SLX9: variants seen among roughly 807,000 people sequenced by gnomAD.
SLX9 encodes SLX9 ribosome biogenesis factor.
In SLX9, 19 loss-of-function variants were observed where a neutral mutation model predicts 20.8. That is an observed-to-expected ratio of 0.91 (90% CI 0.64 to 1.34). SLX9 has a LOEUF of 1.34. Among genes scored for constraint, SLX9 ranks in the 40% most tolerant of loss-of-function variants. SLX9 has a pLI of 0.00. For missense variants in SLX9, 299 were observed against 322.2 expected (o/e 0.93, Z 0.55); for synonymous variants, 113 against 137.1 (o/e 0.82, Z 1.23).
intron 4 of SLX9, chr21:44,969,149 C>G (rs1447926412): frequency 4.2e-6 from 2 of 470,682 alleles, no homozygotes; most frequent in South Asian, 1.5e-5. Context: ...TGGGGTCCAT[C>G]CTTTCATGGC....
intron 2 of SLX9, among the ~76,000 whole-genome samples, chr21:44,948,344 C>T (rs1287779444): frequency 7.7e-6 from 1 of 130,596 alleles, no homozygotes; most frequent in South Asian, 2.5e-4. Flanking sequence ...GTCCGGGGAG[C>T]TGGTCGTGGA....
chr21:44,950,060 A>G (rs1026607448), intron 2 of SLX9, among the ~76,000 whole-genome samples: 1 of 151,784 alleles, frequency 6.6e-6, no homozygotes, highest in African/African-American at 2.4e-5. Context: ...GCTCCTCATC[A>G]GACAGTACAG....
intron 1 of SLX9, among the ~76,000 whole-genome samples, chr21:44,941,921 A>G (rs904157676): frequency 1.3e-5 from 2 of 152,174 alleles, no homozygotes; most frequent in Non-Finnish European, 2.9e-5. Context: ...TGGCAGAGCT[A>G]TGGAGTTCTT....
intron 2 of SLX9, among the ~76,000 whole-genome samples, chr21:44,956,514 A>G (rs2084860296): frequency 6.6e-6 from 1 of 152,078 alleles, no homozygotes; most frequent in East Asian, 1.9e-4. Context: ...TCAGCTGGTG[A>G]CCTGGGTGGT....
In SLX9 at chr21:44,950,808, CG is replaced by C. The variant is rs769118697; in HGVS notation, c.283+6973del. Among the ~76,000 whole-genome samples the C allele has an allele frequency of 5.9e-5, 9 of 152,204 alleles. No homozygotes were observed. In the South Asian group the frequency reaches 1.9e-3, roughly 32 times the overall value. On this transcript the variant is annotated intron_variant, in intron 2 of 5. Transcript: ENST00000291634. ...GTTCTAGCCTCCTGCACCTCCTTGC[CG>C]GCGTCCTCAGGGTTTCTGCGATCAG... is the stretch of plus-strand genomic sequence containing the variant.
At chr21:44,957,497 A>T (rs1446978060) in intron 2 of SLX9, among the ~76,000 whole-genome samples, 3 of 152,188 alleles carry the variant, frequency 2.0e-5, no homozygotes, top group Non-Finnish European at 2.9e-5. Context: ...TGTGCCTTGC[A>T]GTCCAGCTCA....
At chr21:44,965,772 C>G (rs753194327) in intron 3 of SLX9, among the ~76,000 whole-genome samples, 1 of 152,134 alleles carries the variant, frequency 6.6e-6, no homozygotes, top group South Asian at 2.1e-4. Context: ...TCTGTCCTCA[C>G]GGGAACCACA....
intron 2 of SLX9, among the ~76,000 whole-genome samples, chr21:44,954,314 T>G (rs11088973): frequency 6.6e-6 from 1 of 151,940 alleles, no homozygotes; most frequent in African/African-American, 2.4e-5. Flanking sequence ...CCGAGCGTTG[T>G]GTGGGTGCCG....
rs1242771366 is a variant in SLX9 at position 44,961,282 on chromosome 21, A to G, written c.352+1114A>G. Reference sequence around the variant, plus strand: ...ACTTGAGTCAATTTTGGCCACTCATAAAATGATCGAATTTGTCTGAGGATG... The same window carrying G: ...ACTTGAGTCAATTTTGGCCACTCATGAAATGATCGAATTTGTCTGAGGATG... On this transcript the variant is annotated intron_variant, in intron 3 of 5. Coordinates refer to ENST00000291634, the MANE Select transcript of SLX9 (RefSeq NM_058190.4). 2.6e-5 allele frequency among the ~76,000 whole-genome samples: 4 copies of G among 152,278 alleles called. No individual in the cohort carries two copies. The East Asian group carries it at 7.7e-4, about 29-fold the overall frequency.
intron 2 of SLX9, chr21:44,959,303 C>A: frequency 1.0e-6 from 1 of 971,888 alleles, no homozygotes; most frequent in Non-Finnish European, 1.2e-6. Context: ...GGGGAGAATG[C>A]AGCCGAGGCT....
chr21:44,964,113 TATA>T (rs781664019), intron 3 of SLX9, among the ~76,000 whole-genome samples: 2 of 152,250 alleles, frequency 1.3e-5, no homozygotes, highest in African/African-American at 4.8e-5. Context: ...TCTTACATCT[TATA>T]ATAAGCTTAT....
chr21:44,944,291 G>A (rs999244906), intron 2 of SLX9, among the ~76,000 whole-genome samples: 8 of 152,194 alleles, frequency 5.3e-5, no homozygotes, highest in Admixed American at 5.2e-4. Context: ...GGTCCTCTCA[G>A]TTTCATCAGA....
chr21:44,944,618 C>G (rs1454920835), intron 2 of SLX9, among the ~76,000 whole-genome samples: 2 of 152,238 alleles, frequency 1.3e-5, no homozygotes. Flanking sequence ...ATACTTTTTA[C>G]ATCTTGACAG....
Position 44,945,101 on chromosome 21 carries a change from C to T in SLX9, c.283+1264C>T, listed in dbSNP as rs962681267. On this transcript the variant is annotated intron_variant, in intron 2 of 5. Coordinates refer to ENST00000291634, the MANE Select transcript of SLX9 (RefSeq NM_058190.4). Reference sequence around the variant, plus strand: ...TCCTTGGGCACAAGTCATGTGATCACGGGTGCTCTGTGACCCTTAGCTCCA... The same window carrying T: ...TCCTTGGGCACAAGTCATGTGATCATGGGTGCTCTGTGACCCTTAGCTCCA... 2.6e-5 allele frequency among the ~76,000 whole-genome samples: 4 copies of T among 152,314 alleles called. No homozygotes were observed. The South Asian group carries it at 8.3e-4, about 32-fold the overall frequency.
chr21:44,964,256 C>T (rs936433075), intron 3 of SLX9, among the ~76,000 whole-genome samples: 1 of 152,118 alleles, frequency 6.6e-6, no homozygotes, highest in Non-Finnish European at 1.5e-5. Context: ...TAATATCATG[C>T]ATTAGGTCTG....
At position 44,973,205 on chromosome 21, in the gene SLX9, G is replaced by A. The variant is rs200224326; in HGVS notation, c.509G>A (p.Ser170Asn). ...CTTCTCTGTGTCCACAGCAGGGAGA[G>A]CAACAAGCCCCGGCCCTCAGAGCTC... ...GSRRQARSRE[S>N]NKPRPSELSR... is the part of the protein sequence containing the mutation. The change falls in exon 5 of 6, where the codon AGC (serine) becomes AAC (asparagine). Residue 170 changes from serine to asparagine, a missense_variant. Physicochemically the swap from Ser to Asn is conservative, Grantham distance 46. Coordinates refer to ENST00000291634, the MANE Select transcript of SLX9 (RefSeq NM_058190.4). 308 of 1,613,144 alleles carry A rather than the reference G, an allele frequency of 1.9e-4. No individual in the cohort carries two copies. The highest frequency in any genetic ancestry group is 1.0e-3 in the Middle Eastern group (6 of 6,008).
At chr21:44,947,726 G>A (rs1239779646) in intron 2 of SLX9, among the ~76,000 whole-genome samples, 2 of 152,156 alleles carry the variant, frequency 1.3e-5, no homozygotes, top group Non-Finnish European at 2.9e-5. Flanking sequence ...TCCTGGGAGG[G>A]ACCCTCTGAG....
Position 44,940,044 on chromosome 21 carries a change from G to A in SLX9, c.-14G>A. On this transcript the variant is annotated 5_prime_UTR_variant, in exon 1 of 6. Transcript: ENST00000291634. ...GGGAGGCGCTCCGCACGTTTGCCGT[G>A]CTCCGCCGGGAAGATGGGGAAAGTG... 7.0e-7 allele frequency: 1 copy of A among 1,438,248 alleles called. No individual in the cohort carries two copies. The highest frequency in any genetic ancestry group is 1.5e-5 in the South Asian group (1 of 67,822). 89.1% of individuals were successfully genotyped at this position (1,438,248 alleles called of 1,614,324 possible).
At chr21:44,958,429 G>A (rs2084897444) in intron 2 of SLX9, 2 of 152,358 alleles carry the variant, frequency 1.3e-5, no homozygotes, top group African/African-American at 4.8e-5. Flanking sequence ...TCGTAGGTAA[G>A]TTTAGAAACC....
Sources: allele counts gnomAD v4.1 joint callset (sites outside exome capture counted in the v4.1 genomes callset), GRCh38; gene constraint gnomAD v4.1.1; transcripts MANE v1.5; gene names NCBI Gene and HGNC (gene_info 2026-07-23, HGNC 2026-07-21).